Variants in ADK observed in about 807,000 individuals in gnomAD.
ADK encodes N6,N6-dimethyladenosine kinase.
A neutral mutation model predicts 44.7 loss-of-function variants in ADK; 24 were observed. The ratio of observed to expected loss-of-function variants is 0.54; its 90% CI spans 0.39 to 0.76. The LOEUF (loss-of-function observed/expected upper bound fraction) is 0.76, where lower values mean the gene tolerates loss of function less well. Ranked by LOEUF, ADK falls within the 30% of genes least tolerant of loss-of-function variation. The pLI, the probability that ADK is intolerant of heterozygous loss-of-function variation, is 0.00. For missense variants in ADK, 321 were observed against 425.1 expected, an observed-to-expected ratio of 0.76 and a Z score of 2.15; for synonymous variants, 128 against 142.6, an observed-to-expected ratio of 0.90 and a Z score of 0.73.
At chr10:74,667,623 C>T (rs1006173233) in intron 9 of ADK, among the ~76,000 whole-genome samples, 1 of 151,050 alleles carries the variant, frequency 6.6e-6, no homozygotes, top group Non-Finnish European at 1.5e-5. Flanking sequence ...ACCTCCACTT[C>T]CTGGGTTTAA....
intron 3 of ADK, among the ~76,000 whole-genome samples, chr10:74,309,923 TTC>T (rs757473344): frequency 2.6e-5 from 4 of 152,150 alleles, no homozygotes; most frequent in Non-Finnish European, 4.4e-5. Context: ...CTTAATTTGC[TTC>T]TGTTATTTTT....
intron 1 of ADK, among the ~76,000 whole-genome samples, chr10:74,190,048 A>G (rs971803886): frequency 4.6e-5 from 7 of 152,220 alleles, no homozygotes; most frequent in Non-Finnish European, 8.8e-5. Flanking sequence ...TAATGGTGCT[A>G]TAAACATTCA....
intron 2 of ADK, among the ~76,000 whole-genome samples, chr10:74,205,593 G>T (rs1195880604): frequency 6.7e-6 from 1 of 150,052 alleles, no homozygotes; most frequent in Non-Finnish European, 1.5e-5. Flanking sequence ...GGAGAATCGG[G>T]TGAACCTGGG....
chr10:74,329,129 A>AAAAAAAAT (rs1841130012), intron 4 of ADK, among the ~76,000 whole-genome samples: 1 of 114,362 alleles, frequency 8.7e-6, no homozygotes, highest in African/African-American at 3.0e-5. Context: ...AAAAAAAAAA[A>AAAAAAAAT]AGAAATTCTA....
Position 74,248,792 on chromosome 10 carries a change from TG to T in ADK, c.194+24203del, listed in dbSNP as rs372797517. Among the ~76,000 whole-genome samples the T allele has an allele frequency of 2.3e-3, 357 of 152,364 alleles. 1 individual carries two copies. The highest frequency in any genetic ancestry group is 7.6e-3 in the African/African-American group (315 of 41,584). On this transcript the variant is annotated intron_variant, in intron 3 of 10. Coordinates refer to ENST00000539909, the MANE Select transcript of ADK (RefSeq NM_006721.4). Reference sequence around the variant, plus strand: ...TTAACCTAAAGATTTTATGGATCTGTGGTCTCACCATGATCACTGACATCAA... The same window carrying T: ...TTAACCTAAAGATTTTATGGATCTGTGTCTCACCATGATCACTGACATCAA...
intron 6 of ADK, among the ~76,000 whole-genome samples, chr10:74,431,931 G>A (rs1402255231): frequency 2.6e-5 from 4 of 152,156 alleles, no homozygotes; most frequent in African/African-American, 9.7e-5. Flanking sequence ...AGTGGCTCAT[G>A]CTTATAATTC....
At chr10:74,631,720 A>G (rs1422750960) in intron 9 of ADK, among the ~76,000 whole-genome samples, 3 of 152,180 alleles carry the variant, frequency 2.0e-5, no homozygotes, top group Non-Finnish European at 4.4e-5. Context: ...TGAGGAGCTC[A>G]CACAACCACA....
intron 3 of ADK, among the ~76,000 whole-genome samples, chr10:74,251,425 A>G (rs530252793): frequency 6.8e-4 from 104 of 152,326 alleles, no homozygotes; most frequent in African/African-American, 2.4e-3. Flanking sequence ...AGTTATCACA[A>G]ATTCTAAATT....
At chr10:74,570,704 T>G (rs901071914) in intron 7 of ADK, among the ~76,000 whole-genome samples, 9 of 152,220 alleles carry the variant, frequency 5.9e-5, no homozygotes, top group African/African-American at 2.2e-4. Context: ...ACGATGGGGT[T>G]TTCTAGATAT....
At chr10:74,547,484 A>AT (rs71024514) in intron 7 of ADK, among the ~76,000 whole-genome samples, 54,483 of 122,192 alleles carry the variant, frequency 0.45, 15,172 homozygotes, top group Non-Finnish European at 0.61. Flanking sequence ...TTATTTTATT[A>AT]TTTTTTTTTT....
chr10:74,189,205 A>G (rs1842877662), intron 1 of ADK, among the ~76,000 whole-genome samples: 1 of 151,930 alleles, frequency 6.6e-6, no homozygotes, highest in East Asian at 1.9e-4. Flanking sequence ...TTCCATTGTG[A>G]TTTTTCTGGT....
In ADK at chr10:74,399,083, A is replaced by G. The variant is rs538792014; in HGVS notation, c.555+504A>G. On this transcript the variant is annotated intron_variant, in intron 6 of 10. Coordinates refer to ENST00000539909, the MANE Select transcript of ADK (RefSeq NM_006721.4). ...GACAAATCTCTTAAATCTGGGAACA[A>G]GGGCAGGGTGTAATTTGAATTATTA... is the stretch of plus-strand genomic sequence containing the variant. Among the ~76,000 whole-genome samples the G allele has an allele frequency of 1.2e-4, 19 of 152,022 alleles. No homozygotes were observed. The East Asian group carries it at 2.7e-3, about 22-fold the overall frequency.
intron 4 of ADK, among the ~76,000 whole-genome samples, chr10:74,355,500 A>G (rs966074925): frequency 6.6e-6 from 1 of 152,216 alleles, no homozygotes; most frequent in Non-Finnish European, 1.5e-5. Context: ...CTTTTGGGAT[A>G]GTGGTTGTTC....
At chr10:74,525,197 C>T in intron 6 of ADK, 59 bp from the exon 7 acceptor site, 1 of 1,516,488 alleles carries the variant, frequency 6.6e-7, no homozygotes, top group Non-Finnish European at 9.2e-7. Flanking sequence ...CTTTTATTCT[C>T]ACTGAGAGTG....
intron 6 of ADK, among the ~76,000 whole-genome samples, chr10:74,468,044 A>G (rs1846423986): frequency 6.6e-6 from 1 of 152,154 alleles, no homozygotes; most frequent in South Asian, 2.1e-4. Context: ...CTTAAAGTAC[A>G]ACTGTACTTC....
In ADK at chr10:74,291,799, T is replaced by C. The variant is rs1031449473; in HGVS notation, c.195-22868T>C. On this transcript the variant is annotated intron_variant, in intron 3 of 10. Coordinates refer to ENST00000539909, the MANE Select transcript of ADK (RefSeq NM_006721.4). Reference sequence around the variant, plus strand: ...TATTGATTCTAATTTTGGCTACCTTTGTATTATGTGTATCATAATGATTTC... The same window carrying C: ...TATTGATTCTAATTTTGGCTACCTTCGTATTATGTGTATCATAATGATTTC... 2.0e-5 allele frequency among the ~76,000 whole-genome samples: 3 copies of C among 152,024 alleles called. No homozygotes were observed. In the East Asian group the frequency reaches 5.8e-4, roughly 29 times the overall value.
Position 74,377,898 on chromosome 10 carries a change from G to C in ADK, c.274-16243G>C, listed in dbSNP as rs183216314. On this transcript the variant is annotated intron_variant, in intron 4 of 10. Coordinates refer to ENST00000539909, the MANE Select transcript of ADK (RefSeq NM_006721.4). ...CACAGACATCTGTTCAGTAGGTTGGGGCACTTAGGATTTTACTTTATCTCA... is the reference window on the plus strand; with the variant it reads ...CACAGACATCTGTTCAGTAGGTTGGCGCACTTAGGATTTTACTTTATCTCA... Among the ~76,000 whole-genome samples the C allele has an allele frequency of 7.0e-4, 107 of 152,198 alleles. 1 individual carries two copies. Among genetic ancestry groups the C allele is most frequent in the Non-Finnish European group, 4.4e-5 (3 of 68,026 alleles).
At chr10:74,645,467 T>C (rs895259557) in intron 9 of ADK, among the ~76,000 whole-genome samples, 7 of 152,190 alleles carry the variant, frequency 4.6e-5, no homozygotes, top group African/African-American at 1.7e-4. Flanking sequence ...ATTTATTTAA[T>C]AATGAAATGG....
At chr10:74,204,941 G>A (rs2132166452) in intron 2 of ADK, among the ~76,000 whole-genome samples, 1 of 148,788 alleles carries the variant, frequency 6.7e-6, no homozygotes, top group African/African-American at 2.5e-5. Flanking sequence ...TCGGGTGGCT[G>A]AGGCAGGAGA....
Sources: gnomAD v4.1 joint callset for allele counts (sites outside exome capture counted in the v4.1 genomes callset) on GRCh38, gnomAD v4.1.1 for gene constraint, MANE v1.5 for transcripts, NCBI Gene and HGNC (gene_info 2026-07-23, HGNC 2026-07-21) for gene names.